The following LAMB3 variants were observed in gnomAD, a reference collection of about 807,000 sequenced individuals.
LAMB3 encodes laminin subunit beta 3.
A neutral mutation model predicts 140.3 loss-of-function variants in LAMB3; 104 were observed. The ratio of observed to expected loss-of-function variants is 0.74; its 90% confidence interval spans 0.63 to 0.87. The LOEUF (loss-of-function observed/expected upper bound fraction) is 0.87. Among genes scored for constraint, LAMB3 ranks in the 40% least tolerant of loss-of-function variants. The pLI is 0.00. For missense variants in LAMB3, 1,531 were observed against 1,575.2 expected (o/e 0.97, Z 0.47); for synonymous variants, 592 against 602.9 (o/e 0.98, Z 0.26).
At chr1:209,647,763 T>A (rs2076530961) in intron 3 of LAMB3, among the ~76,000 whole-genome samples, 1 of 152,156 alleles carries the variant, frequency 6.6e-6, no homozygotes, top group Non-Finnish European at 1.5e-5. Flanking sequence ...TATGTTTCTC[T>A]CGGAAGTCTA....
rs552611500 is a variant in LAMB3 at position 209,623,697 on chromosome 1, G to A, written c.2166C>T (p.Tyr722=). The change falls in exon 16 of 23, where the codon TAC becomes TAT. Residue 722 remains tyrosine, a synonymous_variant. Transcript: ENST00000356082. The surrounding 1 kb of genome is among the most constrained non-coding windows in gnomAD (Gnocchi z 4.2). ...SGAFRMLSTA[Y]EQSAQAAQQV... Reference sequence around the variant, plus strand: ...GCTGAGCAGCCTGGGCTGACTGCTCGTAGGCTGTGCTCAGCATCCGGAAGG... The same window carrying A: ...GCTGAGCAGCCTGGGCTGACTGCTCATAGGCTGTGCTCAGCATCCGGAAGG... The A allele has an allele frequency of 8.1e-5, 130 of 1,614,072 alleles. 1 individual carries two copies. The highest frequency in any genetic ancestry group is 1.6e-4 in the African/African-American group (12 of 75,048).
intron 3 of LAMB3, among the ~76,000 whole-genome samples, chr1:209,644,216 G>A (rs1048536565): frequency 9.2e-5 from 14 of 152,206 alleles, no homozygotes; most frequent in South Asian, 2.1e-4. Flanking sequence ...GAGGACAGCC[G>A]TATGTGAGAT....
At chr1:209,625,315 G>A (rs949725467) in intron 14 of LAMB3, among the ~76,000 whole-genome samples, 8 of 152,046 alleles carry the variant, frequency 5.3e-5, no homozygotes, top group Admixed American at 4.6e-4. Flanking sequence ...GATGCCCTCC[G>A]CCAGGGTGAC....
chr1:209,651,062 C>G, intron 1 of LAMB3, 81 bp from the exon 2 acceptor site: 1 of 950,184 alleles, frequency 1.1e-6, no homozygotes, highest in Non-Finnish European at 1.7e-6. Context: ...TGTTTCTAGA[C>G]TCAAGTATTT....
In LAMB3 at chr1:209,628,135, G is replaced by A. The variant is rs115883756; in HGVS notation, c.1188C>T (p.Thr396=). 886 of 1,577,280 alleles carry A rather than the reference G, an allele frequency of 5.6e-4. 3 individuals carry two copies. The East Asian group carries it at 9.5e-3, about 17-fold the overall frequency. Reference sequence around the variant, plus strand: ...CATGCTCCTTGCACACACACTGCCCGGTCACTGGGTCACAGGGAGCCCCTG... The same window carrying A: ...CATGCTCCTTGCACACACACTGCCCAGTCACTGGGTCACAGGGAGCCCCTG... ...AVPGAPCDPV[T]GQCVCKEHVQ... is the part of the protein sequence containing the mutation. Residue 396 remains threonine, a synonymous_variant, in exon 11 of 23, where the codon ACC becomes ACT. Coordinates refer to ENST00000356082, the MANE Select transcript of LAMB3 (RefSeq NM_000228.3).
rs140470350 is a variant in LAMB3 at position 209,650,930 on chromosome 1, G to A, written c.15C>T (p.Phe5=). 3,278 of 1,614,134 alleles carry A rather than the reference G, an allele frequency of 2.0e-3. 4 individuals are homozygous for A. Among genetic ancestry groups the A allele is most frequent in the Admixed American group, 2.6e-3 (155 of 60,026 alleles). Residue 5 remains phenylalanine, a synonymous_variant, in exon 2 of 23, where the codon TTC becomes TTT. Transcript: ENST00000356082. ...AGGGGTACTTACCAAAACACAAGAG[G>A]AAGAATGGTCTCATCTTCAGCCAAT... The part of the protein sequence containing the change: MRPF[F]LLCFALPGLL...
In LAMB3 at chr1:209,632,723, G is replaced by A; in HGVS notation, c.682C>T (p.Pro228Ser). 1 of 1,614,216 alleles carries A rather than the reference G, an allele frequency of 6.2e-7. No homozygotes were observed. The highest frequency in any genetic ancestry group is 1.1e-5 in the South Asian group (1 of 91,088). ...RVNFTRLAPVPQRGYHPPSAY... is the reference protein window; with the variant it reads ...RVNFTRLAPVSQRGYHPPSAY... ...CTGGGAGGGTGGTAGCCCCTTTGGG[G>A]CACAGGGGCCAGCCTGGTGAAATTG... The change falls in exon 8 of 23, where the codon CCC becomes TCC. Residue 228 changes from proline to serine, a missense_variant. Physicochemically the swap from Pro to Ser is moderately conservative, Grantham distance 74 (BLOSUM62 -1). Transcript: ENST00000356082.
At chr1:209,617,369 A>T (rs746280182) in intron 21 of LAMB3, 41 bp downstream of exon 21, 1 of 1,600,046 alleles carries the variant, frequency 6.2e-7, no homozygotes, top group Non-Finnish European at 8.5e-7. Flanking sequence ...GGACCCCCTC[A>T]CTGGCCGTAC....
At chr1:209,624,512 T>C (rs942016196) in intron 14 of LAMB3, among the ~76,000 whole-genome samples, 2 of 152,160 alleles carry the variant, frequency 1.3e-5, no homozygotes, top group Non-Finnish European at 2.9e-5. Context: ...CCCTGTGCCC[T>C]TTGCAGCTCC....
chr1:209,629,026 G>C (rs1397357830), intron 10 of LAMB3, among the ~76,000 whole-genome samples: 1 of 152,168 alleles, frequency 6.6e-6, no homozygotes, highest in Non-Finnish European at 1.5e-5. Flanking sequence ...AACATCAACA[G>C]AAAGTGACTC....
chr1:209,638,576 C>A lies in LAMB3; in HGVS notation c.256G>T (p.Ala86Ser), dbSNP rs1382039871. The change falls in exon 4 of 23, where the codon GCT becomes TCT. Residue 86 changes from alanine to serine, a missense_variant. Ala to Ser is a moderately conservative substitution (Grantham distance 99, BLOSUM62 1). Coordinates refer to ENST00000356082, the MANE Select transcript of LAMB3 (RefSeq NM_000228.3). ...NYYSHRVENV[A>S]SSSGPMRWWQ... ...CAGCGCATGGGGCCGGAGGATGAAG[C>A]CACATTCTCTACTCGGTGACTGTAG... The A allele has an allele frequency of 6.2e-7, 1 of 1,614,066 alleles. No individual in the cohort carries two copies. Among genetic ancestry groups the A allele is most frequent in the South Asian group, 1.1e-5 (1 of 91,084 alleles).
chr1:209,633,961 G>A (rs1666792460), intron 6 of LAMB3, among the ~76,000 whole-genome samples: 1 of 152,222 alleles, frequency 6.6e-6, no homozygotes, highest in Admixed American at 6.5e-5. Flanking sequence ...TTAAGCTCAG[G>A]AGAATTCGGG....
At chr1:209,645,542 C>A (rs1007754350) in intron 3 of LAMB3, among the ~76,000 whole-genome samples, 1 of 151,938 alleles carries the variant, frequency 6.6e-6, no homozygotes, top group Admixed American at 6.6e-5. Flanking sequence ...ATGGTGAAAC[C>A]CTGTCTCTAC....
At chr1:209,627,802 C>T (rs1278657055) in intron 11 of LAMB3, among the ~76,000 whole-genome samples, 2 of 152,224 alleles carry the variant, frequency 1.3e-5, no homozygotes, top group East Asian at 1.9e-4. Flanking sequence ...TGACTCAGTC[C>T]CACCTTCCAA....
At position 209,625,704 on chromosome 1, in the gene LAMB3, G is replaced by T. The variant is rs1666410175; in HGVS notation, c.1920C>A (p.Ser640Arg). The stretch of plus-strand genomic sequence containing the variant: ...CCACCTCCTGCTCTGTGACTGCGGG[G>T]CTGCTGAGAACTGCTCGGATCTGCT... ...KIEQIRAVLS[S>R]PAVTEQEVAQ... Residue 640 changes from serine to arginine, a missense_variant, in exon 14 of 23, where the codon AGC (serine) becomes AGA (arginine). Transcript: ENST00000356082. The T allele has an allele frequency of 6.2e-7, 1 of 1,614,078 alleles. No homozygotes were observed. The highest frequency in any genetic ancestry group is 1.3e-5 in the African/African-American group (1 of 74,942).
chr1:209,618,095 A>G (rs1469421393), intron 19 of LAMB3, 47 bp from the exon 20 acceptor site: 2 of 1,611,894 alleles, frequency 1.2e-6, no homozygotes, highest in Non-Finnish European at 1.7e-6. Context: ...ATGAGTGAAC[A>G]GTGAATCAAT....
chr1:209,635,992 T>G (rs984722818), intron 5 of LAMB3, among the ~76,000 whole-genome samples: 2 of 152,204 alleles, frequency 1.3e-5, no homozygotes, highest in African/African-American at 4.8e-5. Context: ...GGGTTCCCTC[T>G]CATCTTTTGT....
At chr1:209,624,100 A>C (rs553748669) in intron 14 of LAMB3, 100 bp from the exon 15 acceptor site, 54 of 1,067,594 alleles carry the variant, frequency 5.1e-5, no homozygotes, top group Admixed American at 6.5e-5. Context: ...CAGAACAAAC[A>C]GAGACCTTGG....
Position 209,626,033 on chromosome 1 carries a change from C to T in LAMB3, c.1598-7G>A. ...CGGAAATCACAGTCACAGGCTAGGG[C>T]CAAGAAAAATGACAGTCAGAGACAG... On this transcript the variant is annotated splice_polypyrimidine_tract_variant and splice_region_variant and intron_variant, in intron 13 of 22. Coordinates refer to ENST00000356082, the MANE Select transcript of LAMB3 (RefSeq NM_000228.3). 6.2e-7 allele frequency: 1 copy of T among 1,611,764 alleles called. No homozygotes were observed. Among genetic ancestry groups the T allele is most frequent in the Non-Finnish European group, 8.5e-7 (1 of 1,178,738 alleles).
Sources: gnomAD v4.1 joint callset for allele counts (sites outside exome capture counted in the v4.1 genomes callset) on GRCh38, gnomAD v4.1.1 for gene constraint, Gnocchi (gnomAD v3.1) non-coding constraint, MANE v1.5 for transcripts, NCBI Gene and HGNC (gene_info 2026-07-23, HGNC 2026-07-21) for gene names.